PRKAR1B: variants seen among roughly 807,000 people sequenced by gnomAD.
PRKAR1B encodes the protein protein kinase cAMP-dependent type I regulatory subunit beta.
PRKAR1B carries 22 observed loss-of-function variants against 46.5 expected under a neutral mutation model. The ratio of observed to expected loss-of-function variants is 0.47; its 90% CI spans 0.34 to 0.68. The LOEUF is 0.68. PRKAR1B is among the 30% of genes least tolerant of loss of function. PRKAR1B has a pLI of 0.01. For synonymous variants in PRKAR1B, 259 were observed against 217.7 expected, an observed-to-expected ratio of 1.19 and a Z score of -1.67; for missense variants, 445 against 535.6, an observed-to-expected ratio of 0.83 and a Z score of 1.67.
chr7:659,992 C>T (rs2128494135), intron 4 of PRKAR1B, among the ~76,000 whole-genome samples: 1 of 152,214 alleles, frequency 6.6e-6, no homozygotes, highest in Admixed American at 6.5e-5. Flanking sequence ...GCCCTTGAGG[C>T]ACGAGGAGCC....
intron 4 of PRKAR1B, among the ~76,000 whole-genome samples, chr7:655,320 G>A (rs539980654): frequency 1.3e-5 from 2 of 152,268 alleles, no homozygotes; most frequent in African/African-American, 4.8e-5. Flanking sequence ...CTCTGCTCTG[G>A]CTTCACTGGC....
In PRKAR1B at chr7:711,516, G is replaced by A; in HGVS notation, c.-11C>T. Reference sequence around the variant, plus strand: ...GGGCGGGGAGGCCATGGCGAGGGTGGCTGCTTCCTTCCTGTCCAGAAAACA... The same window carrying A: ...GGGCGGGGAGGCCATGGCGAGGGTGACTGCTTCCTTCCTGTCCAGAAAACA... On this transcript the variant is annotated 5_prime_UTR_variant, in exon 2 of 11. Coordinates refer to ENST00000537384, the MANE Select transcript of PRKAR1B (RefSeq NM_001164760.2). 1 of 1,612,008 alleles carries A rather than the reference G, an allele frequency of 6.2e-7. No individual in the cohort carries two copies. The highest frequency in any genetic ancestry group is 2.2e-5 in the East Asian group (1 of 44,814).
At chr7:588,741 G>T (rs1780781729) in intron 7 of PRKAR1B, among the ~76,000 whole-genome samples, 1 of 24,338 alleles carries the variant, frequency 4.1e-5, no homozygotes, top group African/African-American at 1.3e-4. Context: ...GATAGTGACA[G>T]TGGTGATGGT....
chr7:605,672 C>G (rs924395712), intron 6 of PRKAR1B, among the ~76,000 whole-genome samples: 1 of 152,142 alleles, frequency 6.6e-6, no homozygotes, highest in African/African-American at 2.4e-5. Context: ...TTGAGACAAG[C>G]GTGGGAAGAT....
intron 6 of PRKAR1B, among the ~76,000 whole-genome samples, chr7:604,294 G>A (rs1781860722): frequency 6.6e-6 from 1 of 152,218 alleles, no homozygotes. Flanking sequence ...AGATGACTCT[G>A]CGGCCTGGCA....
intron 2 of PRKAR1B, among the ~76,000 whole-genome samples, chr7:703,461 T>C (rs1280414666): frequency 6.6e-6 from 1 of 152,050 alleles, no homozygotes; most frequent in Non-Finnish European, 1.5e-5. Flanking sequence ...CGATCTCCTG[T>C]GGCTAACACA....
chr7:640,156 C>G (rs1031640570), intron 4 of PRKAR1B, among the ~76,000 whole-genome samples: 30 of 150,622 alleles, frequency 2.0e-4, no homozygotes, highest in Admixed American at 2.0e-3. Context: ...GAGCGAGACT[C>G]CGTCTCGAAA....
At chr7:650,009 GGTCTT>G (rs1784818855) in intron 4 of PRKAR1B, among the ~76,000 whole-genome samples, 1 of 147,936 alleles carries the variant, frequency 6.8e-6, no homozygotes, top group Non-Finnish European at 1.5e-5. Flanking sequence ...TAGAGATTAG[GGTCTT>G]GCTATGCGGC....
At chr7:613,787 G>C (rs1298964803) in intron 4 of PRKAR1B, among the ~76,000 whole-genome samples, 2 of 152,196 alleles carry the variant, frequency 1.3e-5, no homozygotes, top group South Asian at 2.1e-4. Flanking sequence ...CGCCGCTCCG[G>C]GCCTCCCGAG....
At chr7:590,106 A>C (rs1394906166) in intron 7 of PRKAR1B, among the ~76,000 whole-genome samples, 2 of 152,220 alleles carry the variant, frequency 1.3e-5, no homozygotes, top group African/African-American at 4.8e-5. Context: ...CGGTGCCTGG[A>C]GACCAGAAGA....
chr7:551,554 C>G (rs958292607), intron 9 of PRKAR1B, 84 bp from the exon 10 acceptor site: 1 of 1,360,068 alleles, frequency 7.4e-7, no homozygotes. Context: ...CACAGGGGGT[C>G]ACCACCCAAA....
chr7:686,083 G>A (rs951281216), intron 2 of PRKAR1B, among the ~76,000 whole-genome samples: 5 of 152,022 alleles, frequency 3.3e-5, no homozygotes, highest in South Asian at 2.1e-4. Flanking sequence ...GGCGGATCAC[G>A]AGGTCAGGAG....
At chr7:697,945 C>T (rs537725441) in intron 2 of PRKAR1B, among the ~76,000 whole-genome samples, 2 of 20,198 alleles carry the variant, frequency 9.9e-5, no homozygotes, top group African/African-American at 2.2e-4. Context: ...AGGGAAGGGA[C>T]GGGAGGGAAG....
intron 8 of PRKAR1B, among the ~76,000 whole-genome samples, chr7:583,397 CCCA>C (rs1156749699): frequency 1.5e-5 from 1 of 65,284 alleles, no homozygotes; most frequent in Non-Finnish European, 3.3e-5. Flanking sequence ...ACTCACACCC[CCCA>C]CACGTGTGCA....
chr7:708,210 G>A lies in PRKAR1B; in HGVS notation c.177+3119C>T, dbSNP rs551191442. ...GCCATCCCAATACACCTCGATCTCG[G>A]ACTTCCAGCCTGGACCACCTAAGAT... On this transcript the variant is annotated intron_variant, in intron 2 of 10. Coordinates refer to ENST00000537384, the MANE Select transcript of PRKAR1B (RefSeq NM_001164760.2). Among the ~76,000 whole-genome samples the A allele has an allele frequency of 4.6e-5, 7 of 151,634 alleles. No individual in the cohort carries two copies. In the Middle Eastern group the frequency reaches 0.01, roughly 221 times the overall value.
intron 2 of PRKAR1B, among the ~76,000 whole-genome samples, chr7:690,156 C>T (rs538818301): frequency 2.0e-5 from 3 of 151,774 alleles, no homozygotes; most frequent in South Asian, 4.2e-4. Context: ...ATTAGCCAGG[C>T]GTGGTGGTGT....
intron 9 of PRKAR1B, among the ~76,000 whole-genome samples, chr7:559,442 G>T (rs943928606): frequency 1.3e-5 from 2 of 152,202 alleles, no homozygotes; most frequent in Non-Finnish European, 2.9e-5. Context: ...CTCCGTCTCA[G>T]GGCTGGTGGT....
At chr7:718,255 TACACACACACACACACACACAC>T (rs35563369) in intron 1 of PRKAR1B, among the ~76,000 whole-genome samples, 20 of 140,018 alleles carry the variant, frequency 1.4e-4, no homozygotes, top group Middle Eastern at 7.5e-3. Flanking sequence ...GCTTTATAGA[TACACACACACACACACACACAC>T]ACACACACAC....
intron 2 of PRKAR1B, among the ~76,000 whole-genome samples, chr7:694,098 C>T (rs186831427): frequency 1.3e-5 from 2 of 152,178 alleles, no homozygotes; most frequent in Admixed American, 1.3e-4. Context: ...TCCTGGCTAA[C>T]ACGGTAAAAC....
Sources: gnomAD v4.1 joint callset for allele counts (sites outside exome capture counted in the v4.1 genomes callset) on GRCh38, gnomAD v4.1.1 for gene constraint, MANE v1.5 for transcripts, NCBI Gene and HGNC (gene_info 2026-07-23, HGNC 2026-07-21) for gene names.